The following HHAT variants were observed in gnomAD, a reference collection of about 807,000 sequenced individuals.
HHAT encodes the protein protein-cysteine N-palmitoyltransferase HHAT.
In HHAT, 47 loss-of-function variants were observed where a neutral mutation model predicts 70.8. The observed-to-expected ratio is 0.66, with a 90% CI of 0.53 to 0.85. The LOEUF (loss-of-function observed/expected upper bound fraction) is 0.85, where lower values mean the gene tolerates loss of function less well. HHAT is among the 40% of genes least tolerant of loss of function. The pLI, the probability that HHAT is intolerant of heterozygous loss-of-function variation, is 0.00. For synonymous variants in HHAT, 228 were observed against 247.6 expected, an observed-to-expected ratio of 0.92 and a Z score of 0.74; for missense variants, 609 against 604.8, an observed-to-expected ratio of 1.01 and a Z score of -0.07.
intron 9 of HHAT, among the ~76,000 whole-genome samples, chr1:210,577,695 T>A (rs772144570): frequency 2.9e-5 from 4 of 139,648 alleles, no homozygotes; most frequent in Non-Finnish European, 3.0e-5. Context: ...TCACCCAGGC[T>A]GGAGTACAGT....
rs10541502 is a variant in HHAT, at chr1:210,353,434, GTTT to G, written c.91+4386_91+4388del. Among the ~76,000 whole-genome samples, 164 of 114,398 alleles carry G rather than the reference GTTT, an allele frequency of 1.4e-3. 2 individuals are homozygous for G. In the South Asian group the frequency reaches 0.014, roughly 10 times the overall value. The allele number at this position is 114,398 out of a possible 152,430, so 75.0% of individuals were successfully genotyped here. On this transcript the variant is annotated intron_variant, in intron 2 of 11. Coordinates refer to ENST00000261458, the MANE Select transcript of HHAT (RefSeq NM_018194.6). ...TCCCGGTGATAGAAGGAAGTCACCTGTTTTTTTTTTTTTTTTTTTTAAAAAAAA... is the reference window on the plus strand; with the variant it reads ...TCCCGGTGATAGAAGGAAGTCACCTGTTTTTTTTTTTTTTTTTAAAAAAAA...
In HHAT at chr1:210,464,501, T is replaced by C; in HGVS notation, c.857-4T>C. ...TGTGTCTGACTGGTCTGTTTGCCTT[T>C]CAGGAGGACTGGCGTTAGCCCAGGT... is the stretch of plus-strand genomic sequence containing the variant. On this transcript the variant is annotated splice_region_variant and splice_polypyrimidine_tract_variant and intron_variant, in intron 7 of 11. Transcript: ENST00000261458. 1 of 1,614,172 alleles carries C rather than the reference T, an allele frequency of 6.2e-7. No individual in the cohort carries two copies. The highest frequency in any genetic ancestry group is 8.5e-7 in the Non-Finnish European group (1 of 1,179,990).
intron 1 of HHAT, among the ~76,000 whole-genome samples, chr1:210,336,044 C>G (rs2085454313): frequency 6.6e-6 from 1 of 152,112 alleles, no homozygotes; most frequent in Admixed American, 6.5e-5. Context: ...CTAAATAAAC[C>G]ATGGTGGTAG....
chr1:210,465,853 G>T (rs2094090000), intron 8 of HHAT, among the ~76,000 whole-genome samples: 1 of 152,068 alleles, frequency 6.6e-6, no homozygotes, highest in Admixed American at 6.5e-5. Flanking sequence ...TATGGTTATT[G>T]CAAGGAATTG....
intron 11 of HHAT, among the ~76,000 whole-genome samples, chr1:210,651,537 C>T (rs187616425): frequency 6.6e-6 from 1 of 152,268 alleles, no homozygotes; most frequent in African/African-American, 2.4e-5. Context: ...TACCCTGCGG[C>T]TTACGATGGA....
At chr1:210,667,402 A>G (rs1052575258) in intron 11 of HHAT, among the ~76,000 whole-genome samples, 1 of 151,956 alleles carries the variant, frequency 6.6e-6, no homozygotes, top group Non-Finnish European at 1.5e-5. Context: ...AAATAAATAA[A>G]TAAATAATTA....
intron 9 of HHAT, among the ~76,000 whole-genome samples, chr1:210,578,848 A>G (rs1658516468): frequency 6.6e-6 from 1 of 152,226 alleles, no homozygotes; most frequent in Non-Finnish European, 1.5e-5. Context: ...GTCAAACTCC[A>G]CATGTATGTA....
chr1:210,511,674 A>T (rs1303795684), intron 8 of HHAT, among the ~76,000 whole-genome samples: 1 of 151,656 alleles, frequency 6.6e-6, no homozygotes, highest in Admixed American at 6.6e-5. Flanking sequence ...CAGATGGCCA[A>T]CCCAAGAGGC....
chr1:210,401,237 A>G (rs1283072632), intron 5 of HHAT, among the ~76,000 whole-genome samples: 1 of 152,076 alleles, frequency 6.6e-6, no homozygotes, highest in Non-Finnish European at 1.5e-5. Flanking sequence ...GCCTCAGTCA[A>G]CCGAGTGGGT....
chr1:210,483,782 A>G (rs561045216), intron 8 of HHAT, among the ~76,000 whole-genome samples: 8 of 152,250 alleles, frequency 5.3e-5, no homozygotes, highest in African/African-American at 1.9e-4. Context: ...TACATTTTTG[A>G]AAGTTCAGTT....
intron 7 of HHAT, among the ~76,000 whole-genome samples, chr1:210,435,294 A>G (rs2093348542): frequency 6.6e-6 from 1 of 151,896 alleles, no homozygotes; most frequent in African/African-American, 2.4e-5. Context: ...GTTTCTATAA[A>G]TGACAGAATT....
intron 8 of HHAT, among the ~76,000 whole-genome samples, chr1:210,483,615 T>G (rs577276170): frequency 7.1e-5 from 1 of 14,104 alleles, no homozygotes; most frequent in African/African-American, 1.5e-4. Flanking sequence ...AGCTATCATC[T>G]AAATAAAGCC....
chr1:210,467,486 A>G (rs35374511), intron 8 of HHAT, among the ~76,000 whole-genome samples: 25,446 of 152,180 alleles, frequency 0.17, 2,269 homozygotes, highest in African/African-American at 0.23. Flanking sequence ...TGTAATTTCT[A>G]TTAACAGCTA....
chr1:210,543,262 ATCAGTAGGATGGT>A (rs1008999123), intron 9 of HHAT, among the ~76,000 whole-genome samples: 53 of 152,150 alleles, frequency 3.5e-4, no homozygotes, highest in African/African-American at 1.2e-3. Flanking sequence ...GGTAAATTTC[ATCAGTAGGATGGT>A]TTGGCATGCT....
intron 8 of HHAT, among the ~76,000 whole-genome samples, chr1:210,496,916 C>A (rs964519315): frequency 3.9e-5 from 6 of 152,206 alleles, no homozygotes; most frequent in African/African-American, 1.2e-4. Flanking sequence ...TTTTACCTAT[C>A]TGGTCATCTG....
intron 2 of HHAT, 35 bp downstream of exon 2, chr1:210,349,101 CAAGG>C (rs773752300): frequency 2.0e-5 from 32 of 1,601,450 alleles, no homozygotes; most frequent in Non-Finnish European, 2.6e-5. Flanking sequence ...TCCTATCAAA[CAAGG>C]AAACTCCTGT....
intron 8 of HHAT, among the ~76,000 whole-genome samples, chr1:210,473,538 T>A (rs2094246778): frequency 2.0e-5 from 3 of 152,132 alleles, no homozygotes; most frequent in African/African-American, 7.2e-5. Context: ...AGTCACTGAC[T>A]GGGTGAATGG....
chr1:210,455,371 T>G (rs2093842412), intron 7 of HHAT, among the ~76,000 whole-genome samples: 1 of 152,194 alleles, frequency 6.6e-6, no homozygotes, highest in South Asian at 2.1e-4. Context: ...CAAATACCTT[T>G]GCATACGTTG....
chr1:210,666,215 C>A (rs903769297), intron 11 of HHAT, among the ~76,000 whole-genome samples: 1 of 152,220 alleles, frequency 6.6e-6, no homozygotes, highest in Non-Finnish European at 1.5e-5. Context: ...ATAGCTCAGA[C>A]ACAATTCAGC....
Sources: allele counts gnomAD v4.1 joint callset (sites outside exome capture counted in the v4.1 genomes callset), GRCh38; gene constraint gnomAD v4.1.1; transcripts MANE v1.5; gene names NCBI Gene and HGNC (gene_info 2026-07-23, HGNC 2026-07-21).